The following GALNT5 variants were observed in gnomAD, a reference collection of about 807,000 sequenced individuals.
GALNT5 encodes UDP-GalNAc:polypeptide N-acetylgalactosaminyltransferase 5.
Under a neutral mutation model 85.4 loss-of-function variants are expected in GALNT5, and 72 were observed. The observed-to-expected ratio is 0.84, with a 90% CI of 0.70 to 1.03. The LOEUF (loss-of-function observed/expected upper bound fraction) is 1.03, where lower values mean the gene tolerates loss of function less well. Among genes scored for constraint, GALNT5 ranks in the 50% least tolerant of loss-of-function variants. The pLI is 0.00. For missense variants in GALNT5, 1,137 were observed against 1,135.5 expected (o/e 1.00, Z -0.02); for synonymous variants, 404 against 397.0 (o/e 1.02, Z -0.21).
intron 5 of GALNT5, among the ~76,000 whole-genome samples, chr2:157,298,204 AG>A (rs1190006698): frequency 6.6e-6 from 1 of 152,194 alleles, no homozygotes; most frequent in Non-Finnish European, 1.5e-5. Flanking sequence ...GTCTGGGGGC[AG>A]GGAATCTAAG....
At chr2:157,272,005 G>A (rs1682595141) in intron 1 of GALNT5, among the ~76,000 whole-genome samples, 1 of 152,134 alleles carries the variant, frequency 6.6e-6, no homozygotes, top group Admixed American at 6.5e-5. Flanking sequence ...AGTGAATGAT[G>A]GGTGAAAACT....
Position 157,290,080 on chromosome 2 carries a change from A to T in GALNT5, c.1741+3946A>T, listed in dbSNP as rs921192508. Among the ~76,000 whole-genome samples the T allele has an allele frequency of 6.2e-5, 5 of 80,872 alleles. No homozygotes were observed. In the East Asian group the frequency reaches 1.8e-3, roughly 29 times the overall value. The allele number at this position is 80,872 out of a possible 152,430, so 53.1% of individuals were successfully genotyped here. Reference sequence around the variant, plus strand: ...AAGAGCAAAATTCTGTCTCAAAAAAAAAAAATGTATATATATATATATATA... The same window carrying T: ...AAGAGCAAAATTCTGTCTCAAAAAATAAAAATGTATATATATATATATATA... On this transcript the variant is annotated intron_variant, in intron 3 of 9. Coordinates refer to ENST00000259056, the MANE Select transcript of GALNT5 (RefSeq NM_014568.3).
In GALNT5 at chr2:157,258,214, C is replaced by T; in HGVS notation, c.132C>T (p.Val44=). The T allele has an allele frequency of 2.5e-6, 4 of 1,613,724 alleles. No individual in the cohort carries two copies. Among genetic ancestry groups the T allele is most frequent in the Non-Finnish European group, 2.5e-6 (3 of 1,179,892 alleles). The change falls in exon 1 of 10, where the codon GTC becomes GTT. Residue 44 remains valine (V), a synonymous_variant. Coordinates refer to ENST00000259056, the MANE Select transcript of GALNT5 (RefSeq NM_014568.3). ...CATTCAGTGAGATCAACACTCGGGT[C>T]ATCAAGGAAGACATTGTGAGGAGGG... The part of the protein sequence containing the change: ...RLSFSEINTR[V]IKEDIVRRER...
In GALNT5 at chr2:157,258,410, A is replaced by G. The variant is rs781632410; in HGVS notation, c.328A>G (p.Arg110Gly). The G allele has an allele frequency of 6.2e-7, 1 of 1,610,668 alleles. No homozygotes were observed. Among genetic ancestry groups the G allele is most frequent in the Admixed American group, 1.7e-5 (1 of 59,362 alleles). Reference protein sequence around the residue: ...KVEVDLDQTQRERKMQNALGR... With the variant: ...KVEVDLDQTQGERKMQNALGR... Reference sequence around the variant, plus strand: ...TGAGGTGGACTTGGACCAAACCCAGAGGGAAAGAAAAATGCAGAATGCCCT... The same window carrying G: ...TGAGGTGGACTTGGACCAAACCCAGGGGGAAAGAAAAATGCAGAATGCCCT... The change falls in exon 1 of 10, where the codon AGG (arginine) becomes GGG (glycine). Residue 110 changes from arginine (R) to glycine (G), a missense_variant. Transcript: ENST00000259056.
intron 1 of GALNT5, among the ~76,000 whole-genome samples, chr2:157,260,409 T>G (rs1489376458): frequency 6.6e-6 from 1 of 152,198 alleles, no homozygotes; most frequent in African/African-American, 2.4e-5. Context: ...AAAGTTAAAT[T>G]CCTATAACTA....
intron 8 of GALNT5, 40 bp downstream of exon 8, chr2:157,305,869 T>G (rs761150379): frequency 1.3e-5 from 14 of 1,087,010 alleles, no homozygotes; most frequent in Non-Finnish European, 2.0e-5. Context: ...AGCTGATAGG[T>G]GCAGGGTATG....
chr2:157,262,478 A>C (rs1682364735), intron 1 of GALNT5, among the ~76,000 whole-genome samples: 1 of 151,838 alleles, frequency 6.6e-6, no homozygotes, highest in Non-Finnish European at 1.5e-5. Flanking sequence ...CATTACAAAA[A>C]AATTTAAAAA....
chr2:157,277,127 C>T (rs1682748348), intron 1 of GALNT5, among the ~76,000 whole-genome samples: 1 of 152,054 alleles, frequency 6.6e-6, no homozygotes, highest in African/African-American at 2.4e-5. Context: ...TGTAGTTGTG[C>T]AGTTTTGAGT....
At chr2:157,298,960 G>GGAAGACCA (rs1255541564) in intron 5 of GALNT5, 1 of 35,588 alleles carries the variant, frequency 2.8e-5, no homozygotes, top group Admixed American at 2.2e-4. Flanking sequence ...CCGGAAGACC[G>GGAAGACCA]GAAGACCAGA....
rs1415216141 is a variant in GALNT5 at position 157,298,620 on chromosome 2, G to A, written c.1998-928G>A. On this transcript the variant is annotated intron_variant, in intron 5 of 9. Transcript: ENST00000259056. Reference sequence around the variant, plus strand: ...TGCTCCGGCCCACTCCCACCCTGTGGAGCGCTTTCCCGCTTTAACGAATCC... The same window carrying A: ...TGCTCCGGCCCACTCCCACCCTGTGAAGCGCTTTCCCGCTTTAACGAATCC... Among the ~76,000 whole-genome samples the A allele has an allele frequency of 5.3e-5, 8 of 152,202 alleles. No individual in the cohort carries two copies. The South Asian group carries it at 1.2e-3, about 24-fold the overall frequency.
At chr2:157,261,382 TTG>T (rs2105142640) in intron 1 of GALNT5, among the ~76,000 whole-genome samples, 1 of 152,308 alleles carries the variant, frequency 6.6e-6, no homozygotes, top group South Asian at 2.1e-4. Context: ...TTTCTATACT[TTG>T]TTCTGTAGAA....
At chr2:157,262,772 A>G (rs542950957) in intron 1 of GALNT5, among the ~76,000 whole-genome samples, 1 of 148,360 alleles carries the variant, frequency 6.7e-6, no homozygotes, top group South Asian at 2.1e-4. Context: ...TTTTCTCTGG[A>G]GTCCCAAAGG....
Position 157,258,802 on chromosome 2 carries a change from C to T in GALNT5, c.720C>T (p.His240=), listed in dbSNP as rs1447913929. The T allele has an allele frequency of 6.2e-7, 1 of 1,603,340 alleles. No homozygotes were observed. Among genetic ancestry groups the T allele is most frequent in the East Asian group, 2.2e-5 (1 of 44,578 alleles). ...RSQAVANERA[H]PASTAVPKSG... is the part of the protein sequence containing the mutation. ...AGGCAGTAGCAAACGAGAGGGCACACCCTGCCAGCACAGCAGTGCCGAAGT... is the reference window on the plus strand; with the variant it reads ...AGGCAGTAGCAAACGAGAGGGCACATCCTGCCAGCACAGCAGTGCCGAAGT... The change falls in exon 1 of 10, where the codon CAC becomes CAT. Residue 240 remains histidine, a synonymous_variant. Coordinates refer to ENST00000259056, the MANE Select transcript of GALNT5 (RefSeq NM_014568.3).
At chr2:157,295,349 A>T (rs1005521408) in intron 3 of GALNT5, among the ~76,000 whole-genome samples, 2 of 152,182 alleles carry the variant, frequency 1.3e-5, no homozygotes, top group Non-Finnish European at 2.9e-5. Flanking sequence ...GTTAATGGGC[A>T]CACTCTCTCA....
In GALNT5 at chr2:157,313,893, A is replaced by G. The variant is rs1273981845; in HGVS notation, c.*2545A>G. The G allele has an allele frequency of 1.3e-5, 2 of 152,198 alleles. No homozygotes were observed. The highest frequency in any genetic ancestry group is 4.8e-5 in the African/African-American group (2 of 41,460). The allele number at this position is 152,198 out of a possible 1,614,324, so 9.4% of individuals were successfully genotyped here. A position where few individuals can be genotyped will look rare whatever the true frequency, so the allele number is the denominator to read the frequency against. On this transcript the variant is annotated 3_prime_UTR_variant, in exon 10 of 10. Transcript: ENST00000259056. ...AATTTGTTCTTGGATAGAATTTTAT[A>G]CATTGCTTTTCATCATATATTTGCT... is the stretch of plus-strand genomic sequence containing the variant.
At chr2:157,267,095 G>A (rs1296537433) in intron 1 of GALNT5, among the ~76,000 whole-genome samples, 1 of 152,184 alleles carries the variant, frequency 6.6e-6, no homozygotes, top group Non-Finnish European at 1.5e-5. Flanking sequence ...ACAGGGGACT[G>A]TTGGGAAAAA....
At chr2:157,277,717 C>G (rs898878662) in intron 1 of GALNT5, among the ~76,000 whole-genome samples, 1 of 152,192 alleles carries the variant, frequency 6.6e-6, no homozygotes, top group African/African-American at 2.4e-5. Context: ...ATGTGTGTCT[C>G]TGCACATGAG....
chr2:157,309,163 G>A (rs1683518232), intron 9 of GALNT5, among the ~76,000 whole-genome samples: 1 of 152,118 alleles, frequency 6.6e-6, no homozygotes, highest in African/African-American at 2.4e-5. Context: ...CTTTCCATAA[G>A]AGACTCTTCC....
chr2:157,288,319 T>C (rs1052377321), intron 3 of GALNT5, among the ~76,000 whole-genome samples: 3 of 152,246 alleles, frequency 2.0e-5, no homozygotes, highest in African/African-American at 7.2e-5. Flanking sequence ...ACAGTTAAGA[T>C]TCTTGATGAG....
Sources: gnomAD v4.1 joint callset for allele counts (sites outside exome capture counted in the v4.1 genomes callset) on GRCh38, gnomAD v4.1.1 for gene constraint, MANE v1.5 for transcripts, NCBI Gene and HGNC (gene_info 2026-07-23, HGNC 2026-07-21) for gene names.